Variants in IL1RAPL1 observed in about 807,000 individuals in gnomAD.
IL1RAPL1 encodes interleukin-1 receptor accessory protein-like 1.
Under a neutral mutation model 48.4 loss-of-function variants are expected in IL1RAPL1, and 3 were observed. The observed-to-expected ratio is 0.06, with a 90% CI of 0.03 to 0.16. The LOEUF is 0.16. Ranked by LOEUF, IL1RAPL1 falls within the 10% of genes least tolerant of loss-of-function variation. The pLI is 1.00. For synonymous variants in IL1RAPL1, 185 were observed against 187.7 expected, an observed-to-expected ratio of 0.99 and a Z score of 0.12; for missense variants, 349 against 530.6, an observed-to-expected ratio of 0.66 and a Z score of 3.36.
intron 6 of IL1RAPL1, among the ~76,000 whole-genome samples, chrX:29,754,800 A>G (rs1246785642): frequency 8.9e-6 from 1 of 112,812 alleles, no homozygotes; most frequent in East Asian, 2.8e-4. Context: ...AACACACTGC[A>G]TCAGCTGTCT....
chrX:29,864,486 T>C (rs900538889), intron 6 of IL1RAPL1, among the ~76,000 whole-genome samples: 1 of 112,079 alleles, frequency 8.9e-6, no homozygotes, highest in African/African-American at 3.2e-5. Flanking sequence ...TTTTTAGCAT[T>C]AACAGAAGAA....
At chrX:29,791,556 G>C (rs1484394793) in intron 6 of IL1RAPL1, among the ~76,000 whole-genome samples, 4 of 106,676 alleles carry the variant, frequency 3.7e-5, no homozygotes, top group Non-Finnish European at 7.7e-5. Context: ...CCGAGGAGCT[G>C]GGATTACAGG....
At chrX:29,735,959 CAGAAT>C (rs1428323956) in intron 6 of IL1RAPL1, among the ~76,000 whole-genome samples, 2 of 112,192 alleles carry the variant, frequency 1.8e-5, no homozygotes, top group South Asian at 3.7e-4. Flanking sequence ...ACATGGAAGA[CAGAAT>C]AGACTTGGTT....
intron 2 of IL1RAPL1, among the ~76,000 whole-genome samples, chrX:29,139,205 T>A (rs1299028180): frequency 9.0e-6 from 1 of 111,417 alleles, no homozygotes. Flanking sequence ...TGGTTTCACA[T>A]GAGAAGTTCT....
chrX:29,489,779 G>A (rs1935136193), intron 5 of IL1RAPL1, among the ~76,000 whole-genome samples: 1 of 111,826 alleles, frequency 8.9e-6, no homozygotes, highest in Non-Finnish European at 1.9e-5. Flanking sequence ...TGGTCGTGCA[G>A]ATAGTTACTA....
At chrX:29,120,325 A>C (rs1384036021) in intron 2 of IL1RAPL1, among the ~76,000 whole-genome samples, 1 of 111,862 alleles carries the variant, frequency 8.9e-6, no homozygotes, top group Non-Finnish European at 1.9e-5. Context: ...TATATGGTGA[A>C]AGACAGGGGT....
intron 1 of IL1RAPL1, among the ~76,000 whole-genome samples, chrX:28,745,812 G>A (rs1007461883): frequency 2.7e-5 from 3 of 111,625 alleles, no homozygotes; most frequent in African/African-American, 9.8e-5. Context: ...TTAAAAACTG[G>A]AAAACATACT....
At chrX:29,332,095 CTTTTTTTTTTT>C (rs72360733) in intron 3 of IL1RAPL1, among the ~76,000 whole-genome samples, 11 of 27,887 alleles carry the variant, frequency 3.9e-4, no homozygotes, top group South Asian at 9.3e-3. Flanking sequence ...ATTCTAAGGT[CTTTTTTTTTTT>C]TTTTTTTTTT....
intron 2 of IL1RAPL1, among the ~76,000 whole-genome samples, chrX:28,853,069 G>A (rs1479998596): frequency 9.0e-6 from 1 of 111,011 alleles, no homozygotes; most frequent in African/African-American, 3.3e-5. Flanking sequence ...TAAAAATAGA[G>A]GCATGGGATT....
rs189235084 is a variant in IL1RAPL1 at position 29,582,018 on chromosome X, G to T, written c.704-86412G>T. ...TTGGGCTGAGTTTATGTCCTAACAGGTTTGAATGGGTGAGAACAACACTAC... is the reference window on the plus strand; with the variant it reads ...TTGGGCTGAGTTTATGTCCTAACAGTTTTGAATGGGTGAGAACAACACTAC... On this transcript the variant is annotated intron_variant, in intron 5 of 10. Coordinates refer to ENST00000378993, the MANE Select transcript of IL1RAPL1 (RefSeq NM_014271.4). Among the ~76,000 whole-genome samples, 395 of 111,927 alleles carry T rather than the reference G, an allele frequency of 3.5e-3. 4 individuals carry two copies. Among genetic ancestry groups the T allele is most frequent in the Non-Finnish European group, 5.4e-3 (288 of 53,201 alleles).
intron 6 of IL1RAPL1, among the ~76,000 whole-genome samples, chrX:29,764,612 G>A (rs904649902): frequency 2.7e-5 from 3 of 112,076 alleles, no homozygotes; most frequent in African/African-American, 9.7e-5. Context: ...CATAAAAAAG[G>A]AGGTTGGAAG....
At chrX:28,617,916 C>A (rs997856547) in intron 1 of IL1RAPL1, among the ~76,000 whole-genome samples, 1 of 111,477 alleles carries the variant, frequency 9.0e-6, no homozygotes. Flanking sequence ...TATACACATC[C>A]CTATATCACT....
chrX:29,587,723 T>G (rs1923228208), intron 5 of IL1RAPL1, among the ~76,000 whole-genome samples: 1 of 112,054 alleles, frequency 8.9e-6, no homozygotes, highest in South Asian at 3.7e-4. Context: ...ACTATTGGTC[T>G]TATCTGGGGA....
At chrX:29,946,171 C>T (rs1053728460) in intron 9 of IL1RAPL1, among the ~76,000 whole-genome samples, 1 of 112,287 alleles carries the variant, frequency 8.9e-6, no homozygotes, top group Non-Finnish European at 1.9e-5. Flanking sequence ...TGTTTTCATT[C>T]TCTACTTCTC....
At chrX:29,179,897 C>G (rs192964864) in intron 2 of IL1RAPL1, among the ~76,000 whole-genome samples, 11 of 110,880 alleles carry the variant, frequency 9.9e-5, no homozygotes, top group African/African-American at 3.3e-4. Flanking sequence ...CAAAAGTATC[C>G]GATTCAGAAA....
intron 9 of IL1RAPL1, among the ~76,000 whole-genome samples, chrX:29,948,692 A>T (rs928852870): frequency 9.0e-6 from 1 of 110,701 alleles, no homozygotes; most frequent in Non-Finnish European, 1.9e-5. Context: ...AACATACAAA[A>T]TCAACTTTTA....
chrX:28,722,568 T>C (rs369878465), intron 1 of IL1RAPL1, among the ~76,000 whole-genome samples: 1 of 111,452 alleles, frequency 9.0e-6, no homozygotes, highest in African/African-American at 3.3e-5. Flanking sequence ...CTTTTCCTAA[T>C]TGAATACCCT....
chrX:29,510,339 G>A (rs1004044892), intron 5 of IL1RAPL1, among the ~76,000 whole-genome samples: 6 of 111,746 alleles, frequency 5.4e-5, no homozygotes, highest in African/African-American at 1.6e-4. Context: ...AAAATAAAGC[G>A]GAAACAGAGG....
At chrX:29,361,329 C>T (rs970198537) in intron 3 of IL1RAPL1, among the ~76,000 whole-genome samples, 8 of 112,018 alleles carry the variant, frequency 7.1e-5, no homozygotes, top group African/African-American at 1.9e-4. Flanking sequence ...TTTATGACTT[C>T]GCATTGGCTC....
Sources: gnomAD v4.1 joint callset for allele counts (sites outside exome capture counted in the v4.1 genomes callset) on GRCh38, gnomAD v4.1.1 for gene constraint, MANE v1.5 for transcripts, NCBI Gene and HGNC (gene_info 2026-07-23, HGNC 2026-07-21) for gene names.